Variants in FAT3 observed in about 807,000 individuals in gnomAD.
FAT3 encodes the protein protocadherin Fat 3.
A neutral mutation model predicts 310.2 loss-of-function variants in FAT3; 95 were observed. The observed-to-expected ratio is 0.31, with a 90% confidence interval of 0.26 to 0.36. FAT3 has a LOEUF of 0.36. FAT3 is among the 10% of genes least tolerant of loss of function. The probability of loss-of-function intolerance (pLI) is 1.00; values close to 1 mark genes in which losing one functional copy is unlikely to be tolerated. For synonymous variants in FAT3, 2,314 were observed against 2,192.9 expected (o/e 1.06, Z -1.54); for missense variants, 5,408 against 5,715.6 (o/e 0.95, Z 1.74).
At chr11:92,543,301 A>G (rs1054466955) in intron 3 of FAT3, among the ~76,000 whole-genome samples, 5 of 152,198 alleles carry the variant, frequency 3.3e-5, no homozygotes, top group African/African-American at 1.2e-4. Context: ...ATTGCATTAT[A>G]TATTTCAAAA....
At chr11:92,533,458 G>A (rs1954146973) in intron 3 of FAT3, among the ~76,000 whole-genome samples, 1 of 152,162 alleles carries the variant, frequency 6.6e-6, no homozygotes, top group Non-Finnish European at 1.5e-5. Context: ...AATGGACAGG[G>A]CAACAGCATG....
intron 1 of FAT3, among the ~76,000 whole-genome samples, chr11:92,266,062 T>C (rs570181562): frequency 1.3e-5 from 2 of 152,186 alleles, no homozygotes; most frequent in South Asian, 4.1e-4. Context: ...CTTCAATAAT[T>C]ACTTTTTATT....
At chr11:92,401,779 G>A (rs1023947685) in intron 2 of FAT3, among the ~76,000 whole-genome samples, 1 of 152,188 alleles carries the variant, frequency 6.6e-6, no homozygotes, top group African/African-American at 2.4e-5. Flanking sequence ...GCTAGGAGGA[G>A]AGGAACAAAG....
chr11:92,505,109 G>A (rs1198076548), intron 2 of FAT3, among the ~76,000 whole-genome samples: 1 of 152,104 alleles, frequency 6.6e-6, no homozygotes, highest in African/African-American at 2.4e-5. Context: ...AGCAGTGAGT[G>A]GAGGGAGATG....
chr11:92,844,940 A>G (rs1294150996), intron 19 of FAT3, among the ~76,000 whole-genome samples: 2 of 152,244 alleles, frequency 1.3e-5, no homozygotes, highest in East Asian at 3.8e-4. Context: ...AGACAGACAA[A>G]CAGGCGAGCC....
chr11:92,752,740 C>G (rs1000367923), intron 4 of FAT3, among the ~76,000 whole-genome samples: 2 of 152,018 alleles, frequency 1.3e-5, no homozygotes, highest in African/African-American at 4.8e-5. Flanking sequence ...TGGCTGCTAC[C>G]CAAAATAAGC....
chr11:92,554,691 C>T (rs556402404), intron 3 of FAT3, among the ~76,000 whole-genome samples: 101 of 152,130 alleles, frequency 6.6e-4, no homozygotes, highest in African/African-American at 2.3e-3. Context: ...TTCTCTGCCC[C>T]GCTTTTGTGC....
intron 1 of FAT3, among the ~76,000 whole-genome samples, chr11:92,314,483 GT>G (rs1359008024): frequency 3.3e-5 from 5 of 152,080 alleles, no homozygotes; most frequent in Non-Finnish European, 7.4e-5. Flanking sequence ...AGGCTTTTTT[GT>G]TTGCTTTTAT....
chr11:92,421,873 C>T (rs558901282), intron 2 of FAT3, among the ~76,000 whole-genome samples: 2 of 152,270 alleles, frequency 1.3e-5, no homozygotes, highest in East Asian at 1.9e-4. Context: ...CCTCCTGATG[C>T]TCAGCTGCTA....
intron 19 of FAT3, 136 bp downstream of exon 19, chr11:92,844,868 A>G (rs1320160063): frequency 9.2e-6 from 10 of 1,088,626 alleles, no homozygotes; most frequent in African/African-American, 1.6e-5. Context: ...CCCAAAAGCC[A>G]TGATAGATGC....
intron 3 of FAT3, among the ~76,000 whole-genome samples, chr11:92,556,227 T>G (rs1408881624): frequency 6.6e-6 from 1 of 152,146 alleles, no homozygotes; most frequent in Non-Finnish European, 1.5e-5. Flanking sequence ...GGATTCAAGG[T>G]GACTTATATC....
intron 2 of FAT3, among the ~76,000 whole-genome samples, chr11:92,488,902 T>C (rs1952514027): frequency 6.6e-6 from 1 of 152,146 alleles, no homozygotes; most frequent in South Asian, 2.1e-4. Flanking sequence ...TGTCTCCATT[T>C]CCTCAACACT....
intron 2 of FAT3, among the ~76,000 whole-genome samples, chr11:92,522,447 T>A (rs1297558984): frequency 1.3e-5 from 2 of 152,134 alleles, no homozygotes; most frequent in Non-Finnish European, 2.9e-5. Flanking sequence ...TGGTCCTTTA[T>A]CAACTAAGAT....
chr11:92,448,076 G>A (rs1252392917), intron 2 of FAT3, among the ~76,000 whole-genome samples: 1 of 152,086 alleles, frequency 6.6e-6, no homozygotes, highest in Non-Finnish European at 1.5e-5. Flanking sequence ...TGTGGCCTCG[G>A]ACAAGTCTTT....
intron 1 of FAT3, among the ~76,000 whole-genome samples, chr11:92,295,457 T>C (rs1388013224): frequency 1.3e-5 from 2 of 152,154 alleles, no homozygotes; most frequent in African/African-American, 4.8e-5. Context: ...AGCTGTGCCG[T>C]GTCTGAATAC....
chr11:92,488,392 C>G lies in FAT3; in HGVS notation c.3293-36242C>G, dbSNP rs138564602. 7.6e-4 allele frequency among the ~76,000 whole-genome samples: 92 copies of G among 120,434 alleles called. 1 individual carries two copies. The East Asian group carries it at 8.6e-3, about 11-fold the overall frequency. The allele number at this position is 120,434 out of a possible 152,430, so 79.0% of individuals were successfully genotyped here. On this transcript the variant is annotated intron_variant, in intron 2 of 27. Transcript: ENST00000525166. ...GGAACTATGAAATGATAAATATTTT[C>G]TGTTTTAAGCTGCTAATTTTGTAGC...
chr11:92,473,898 T>C (rs955581502), intron 2 of FAT3, among the ~76,000 whole-genome samples: 2 of 152,228 alleles, frequency 1.3e-5, no homozygotes, highest in African/African-American at 4.8e-5. Flanking sequence ...ATGACTAAAG[T>C]GACCTCCTCC....
chr11:92,449,770 G>A (rs116236483), intron 2 of FAT3, among the ~76,000 whole-genome samples: 220 of 152,196 alleles, frequency 1.4e-3, no homozygotes, highest in African/African-American at 4.9e-3. Context: ...TTATGACATA[G>A]GAAAGAACTG....
rs1463558313 is a variant in FAT3, at chr11:92,533,010, A to G, written c.3607+8062A>G. On this transcript the variant is annotated intron_variant, in intron 3 of 27. Transcript: ENST00000525166. The stretch of plus-strand genomic sequence containing the variant: ...CCCAGGGAACTGCAGATGCATAGGG[A>G]CTTAGACCAGTGTCCCAGACCACTA... 2.6e-5 allele frequency among the ~76,000 whole-genome samples: 4 copies of G among 152,020 alleles called. No homozygotes were observed. In the East Asian group the frequency reaches 7.7e-4, roughly 29 times the overall value.
Sources: allele counts gnomAD v4.1 joint callset (sites outside exome capture counted in the v4.1 genomes callset), GRCh38; gene constraint gnomAD v4.1.1; transcripts MANE v1.5; gene names NCBI Gene and HGNC (gene_info 2026-07-23, HGNC 2026-07-21).